Variants in NKAIN3 observed in about 807,000 individuals in gnomAD.
NKAIN3 encodes the protein sodium/potassium transporting ATPase interacting 3, also known as sodium/potassium-transporting ATPase subunit beta-1-interacting protein 3.
Under a neutral mutation model 30.2 loss-of-function variants are expected in NKAIN3, and 25 were observed. That is an observed-to-expected ratio of 0.83 (90% confidence interval 0.60 to 1.16). The LOEUF (loss-of-function observed/expected upper bound fraction) is 1.16, where lower values mean the gene tolerates loss of function less well. NKAIN3 is among the 50% of genes most tolerant of loss of function. The pLI, the probability that NKAIN3 is intolerant of heterozygous loss-of-function variation, is 0.00. For missense variants in NKAIN3, 225 were observed against 254.1 expected (o/e 0.89, Z 0.78); for synonymous variants, 91 against 89.6 (o/e 1.02, Z -0.09).
chr8:62,281,630 G>T (rs989963542), intron 1 of NKAIN3, among the ~76,000 whole-genome samples: 1 of 152,102 alleles, frequency 6.6e-6, no homozygotes, highest in African/African-American at 2.4e-5. Flanking sequence ...ATTTCGTCAT[G>T]TACCCAGTAG....
intron 1 of NKAIN3, among the ~76,000 whole-genome samples, chr8:62,436,318 A>C (rs1805173113): frequency 6.6e-6 from 1 of 152,210 alleles, no homozygotes; most frequent in Admixed American, 6.5e-5. Flanking sequence ...AACCAGGTGA[A>C]GCCTTTCTTG....
In NKAIN3 at chr8:62,514,265, TCG is replaced by T. The variant is rs542963112; in HGVS notation, c.55-65273_55-65272del. On this transcript the variant is annotated intron_variant, in intron 1 of 6. Transcript: ENST00000623646. ...CATTCTAGATGTGAGCTATAGATAC[TCG>T]TTTTTTTTAATGTTTTTAGATAATG... 1.7e-4 allele frequency among the ~76,000 whole-genome samples: 26 copies of T among 152,154 alleles called. 1 individual carries two copies. The South Asian group carries it at 5.4e-3, about 32-fold the overall frequency.
chr8:62,553,835 G>T (rs1357374663), intron 1 of NKAIN3, among the ~76,000 whole-genome samples: 1 of 152,054 alleles, frequency 6.6e-6, no homozygotes, highest in African/African-American at 2.4e-5. Flanking sequence ...ACCACACCTG[G>T]CCCTGAACAC....
chr8:62,973,459 T>C lies in NKAIN3; in HGVS notation c.*8052T>C, dbSNP rs1213001393. 1.3e-5 allele frequency among the ~76,000 whole-genome samples: 2 copies of C among 152,218 alleles called. No homozygotes were observed. Among genetic ancestry groups the C allele is most frequent in the Non-Finnish European group, 2.9e-5 (2 of 68,032 alleles). On this transcript the variant is annotated 3_prime_UTR_variant, in exon 7 of 7. Transcript: ENST00000623646. ...TTTTTACGTTTGTTGGCTGCATAAATGTCTTCTTTTAAGAAGTGTCTATTC... is the reference window on the plus strand; with the variant it reads ...TTTTTACGTTTGTTGGCTGCATAAACGTCTTCTTTTAAGAAGTGTCTATTC...
intron 3 of NKAIN3, among the ~76,000 whole-genome samples, chr8:62,648,365 C>A (rs940982760): frequency 1.3e-5 from 2 of 152,032 alleles, no homozygotes; most frequent in East Asian, 3.9e-4. Flanking sequence ...GAGGGAGAAC[C>A]CTACAGAGCA....
At chr8:62,568,953 A>G (rs941184310) in intron 1 of NKAIN3, among the ~76,000 whole-genome samples, 9 of 152,200 alleles carry the variant, frequency 5.9e-5, no homozygotes, top group Non-Finnish European at 1.3e-4. Flanking sequence ...GAGCATGTGC[A>G]ATTCCACCTC....
chr8:62,421,534 C>A (rs572027397), intron 1 of NKAIN3, among the ~76,000 whole-genome samples: 1 of 152,026 alleles, frequency 6.6e-6, no homozygotes, highest in Non-Finnish European at 1.5e-5. Context: ...TACACCATCT[C>A]CCTGGGGTGG....
chr8:62,870,018 C>T (rs1820549560), intron 4 of NKAIN3, among the ~76,000 whole-genome samples: 1 of 151,550 alleles, frequency 6.6e-6, no homozygotes, highest in African/African-American at 2.4e-5. Context: ...GATCCACCCG[C>T]GTCGGCCTCC....
At chr8:62,877,681 T>C (rs2130809254) in intron 4 of NKAIN3, among the ~76,000 whole-genome samples, 1 of 152,340 alleles carries the variant, frequency 6.6e-6, no homozygotes, top group South Asian at 2.1e-4. Flanking sequence ...GTTTCCTTCA[T>C]TTTCCTAATG....
intron 1 of NKAIN3, among the ~76,000 whole-genome samples, chr8:62,298,579 T>A (rs1179893101): frequency 1.3e-5 from 2 of 152,086 alleles, no homozygotes; most frequent in African/African-American, 4.8e-5. Flanking sequence ...TGGCCTTTTT[T>A]TCTGTGCTCC....
At chr8:62,670,405 A>G (rs979599838) in intron 3 of NKAIN3, among the ~76,000 whole-genome samples, 1 of 152,158 alleles carries the variant, frequency 6.6e-6, no homozygotes, top group African/African-American at 2.4e-5. Flanking sequence ...TTTATCCTTG[A>G]GATATACATT....
chr8:62,637,740 C>T (rs909452959), intron 3 of NKAIN3, among the ~76,000 whole-genome samples: 2 of 152,096 alleles, frequency 1.3e-5, no homozygotes, highest in African/African-American at 2.4e-5. Context: ...GGCTGGATGC[C>T]TCCGGTGTCT....
chr8:62,292,362 A>G (rs1813671151), intron 1 of NKAIN3, among the ~76,000 whole-genome samples: 2 of 152,134 alleles, frequency 1.3e-5, no homozygotes, highest in South Asian at 4.1e-4. Flanking sequence ...ATGTTTTTGC[A>G]GTGGCTGGTA....
At chr8:62,790,742 A>C (rs1817681465) in intron 4 of NKAIN3, among the ~76,000 whole-genome samples, 1 of 152,136 alleles carries the variant, frequency 6.6e-6, no homozygotes, top group Non-Finnish European at 1.5e-5. Context: ...CTGCACTTAA[A>C]AGCTATTGAG....
chr8:62,469,175 T>C lies in NKAIN3; in HGVS notation c.55-110364T>C, dbSNP rs543450350. On this transcript the variant is annotated intron_variant, in intron 1 of 6. Coordinates refer to ENST00000623646, the MANE Select transcript of NKAIN3 (RefSeq NM_001304533.3). The stretch of plus-strand genomic sequence containing the variant: ...ATAGTATCAATGGATTAGAGTTTAG[T>C]GTCATGCCTTCTGATTTCTTATCAA... Among the ~76,000 whole-genome samples the C allele has an allele frequency of 4.6e-5, 7 of 152,308 alleles. No individual in the cohort carries two copies. In the South Asian group the frequency reaches 1.2e-3, roughly 27 times the overall value.
At chr8:62,987,048 G>A (rs1324258380), downstream of NKAIN3, among the ~76,000 whole-genome samples, 1 of 152,054 alleles carries the variant, frequency 6.6e-6, no homozygotes, top group Non-Finnish European at 1.5e-5. Flanking sequence ...TTTCCACATT[G>A]TTTAAGACCT....
chr8:62,746,751 A>G (rs942117544), intron 3 of NKAIN3, among the ~76,000 whole-genome samples, 181 bp from the exon 4 acceptor site: 2 of 152,208 alleles, frequency 1.3e-5, no homozygotes, highest in Admixed American at 6.5e-5. Flanking sequence ...AATAACTATA[A>G]CCCAATAGTT....
chr8:62,430,719 C>T (rs1045634974), intron 1 of NKAIN3, among the ~76,000 whole-genome samples: 2 of 151,638 alleles, frequency 1.3e-5, no homozygotes, highest in African/African-American at 4.8e-5. Context: ...GAGAACAGGG[C>T]TATAAATGGG....
At chr8:62,322,382 A>G (rs1814959409) in intron 1 of NKAIN3, among the ~76,000 whole-genome samples, 1 of 152,140 alleles carries the variant, frequency 6.6e-6, no homozygotes. Context: ...CCAGTACCTC[A>G]GTTGGAAATG....
Sources: allele counts gnomAD v4.1 joint callset (sites outside exome capture counted in the v4.1 genomes callset), GRCh38; gene constraint gnomAD v4.1.1; transcripts MANE v1.5; gene names NCBI Gene and HGNC (gene_info 2026-07-23, HGNC 2026-07-21).